Variants in SHC3 observed in about 807,000 individuals in gnomAD.
The protein encoded by SHC3 is SHC adaptor protein 3, also known as SHC-transforming protein 3.
In SHC3, 15 loss-of-function variants were observed where a neutral mutation model predicts 60.4. The observed-to-expected ratio is 0.25, with a 90% CI of 0.17 to 0.38. The LOEUF is 0.38. Among genes scored for constraint, SHC3 ranks in the 10% least tolerant of loss-of-function variants. SHC3 has a pLI of 1.00. For synonymous variants in SHC3, 294 were observed against 325.9 expected (o/e 0.90, Z 1.05); for missense variants, 677 against 786.1 (o/e 0.86, Z 1.66).
At chr9:89,032,197 A>T (rs140444863) in intron 11 of SHC3, among the ~76,000 whole-genome samples, 1 of 152,340 alleles carries the variant, frequency 6.6e-6, no homozygotes, top group African/African-American at 2.4e-5. Context: ...ACTGGCTGGT[A>T]CAAAGGGAAT....
At chr9:89,095,516 T>C (rs1825689218) in intron 2 of SHC3, among the ~76,000 whole-genome samples, 1 of 152,092 alleles carries the variant, frequency 6.6e-6, no homozygotes, top group African/African-American at 2.4e-5. Context: ...AAATGAAAAG[T>C]TCTGGAGATG....
intron 11 of SHC3, among the ~76,000 whole-genome samples, chr9:89,014,670 T>A (rs1379294246): frequency 1.3e-5 from 2 of 152,162 alleles, no homozygotes; most frequent in Non-Finnish European, 2.9e-5. Flanking sequence ...TTCATTCTCC[T>A]GTTTTCCCCA....
At chr9:89,015,059 T>TG (rs1826072194) in intron 11 of SHC3, among the ~76,000 whole-genome samples, 1 of 152,228 alleles carries the variant, frequency 6.6e-6, no homozygotes, top group African/African-American at 2.4e-5. Flanking sequence ...TGTAACCTGT[T>TG]GGGCAAGTTC....
At chr9:89,138,298 T>C (rs1420732317) in intron 1 of SHC3, among the ~76,000 whole-genome samples, 1 of 152,246 alleles carries the variant, frequency 6.6e-6, no homozygotes, top group East Asian at 1.9e-4. Context: ...GGCTACTCCA[T>C]AGGCAGACCA....
At chr9:89,057,950 G>T (rs1466845066) in intron 6 of SHC3, among the ~76,000 whole-genome samples, 1 of 152,170 alleles carries the variant, frequency 6.6e-6, no homozygotes, top group Non-Finnish European at 1.5e-5. Flanking sequence ...GAGAAGAGGG[G>T]CCCAAACATA....
At chr9:89,137,814 A>T (rs544890366) in intron 1 of SHC3, among the ~76,000 whole-genome samples, 1 of 152,312 alleles carries the variant, frequency 6.6e-6, no homozygotes, top group South Asian at 2.1e-4. Flanking sequence ...AGACCCCAAA[A>T]GCAAACTCAA....
chr9:89,123,162 G>A (rs941110709), intron 1 of SHC3, among the ~76,000 whole-genome samples: 1 of 152,146 alleles, frequency 6.6e-6, no homozygotes, highest in Non-Finnish European at 1.5e-5. Context: ...CTTAAGCAAT[G>A]GTTAATCAGC....
chr9:89,178,263 G>A lies in SHC3; in HGVS notation c.198C>T (p.His66=), dbSNP rs1190746796. The A allele has an allele frequency of 1.3e-6, 2 of 1,537,528 alleles. No homozygotes were observed. The highest frequency in any genetic ancestry group is 2.0e-5 in the Admixed American group (1 of 49,876). ...APDDGPGSLG[H]LLHKVSHLKL... ...TCAGGTGGGACACCTTGTGGAGCAG[G>A]TGGCCCAGGCTGCCGGGCCCATCGT... Residue 66 remains histidine (H), a synonymous_variant, in exon 1 of 12, where the codon CAC becomes CAT. Transcript: ENST00000375835. The surrounding 1 kb of genome is among the most constrained non-coding windows in gnomAD (Gnocchi z 6.9).
In SHC3 at chr9:89,067,797, C is replaced by T. The variant is rs531582581; in HGVS notation, c.784-2217G>A. Reference sequence around the variant, plus strand: ...AGCAAAGTAATATTACATTGAATGTCATTGGCCTTACAATGTTTACTTGTA... The same window carrying T: ...AGCAAAGTAATATTACATTGAATGTTATTGGCCTTACAATGTTTACTTGTA... On this transcript the variant is annotated intron_variant, in intron 5 of 11. Coordinates refer to ENST00000375835, the MANE Select transcript of SHC3 (RefSeq NM_016848.6). Among the ~76,000 whole-genome samples, 205 of 152,322 alleles carry T rather than the reference C, an allele frequency of 1.3e-3. 1 individual carries two copies. Among genetic ancestry groups the T allele is most frequent in the African/African-American group, 4.6e-3 (192 of 41,570 alleles).
At chr9:89,101,808 C>T (rs1825786563) in intron 2 of SHC3, among the ~76,000 whole-genome samples, 1 of 151,730 alleles carries the variant, frequency 6.6e-6, no homozygotes, top group South Asian at 2.1e-4. Context: ...CTTGTAATGC[C>T]TTTGTCTGGT....
intron 1 of SHC3, among the ~76,000 whole-genome samples, chr9:89,157,771 C>G (rs1257696938): frequency 2.0e-5 from 3 of 152,056 alleles, no homozygotes; most frequent in Non-Finnish European, 2.9e-5. Flanking sequence ...ATCCTGCCAC[C>G]ACGCCAGGCT....
chr9:89,059,963 A>C (rs1408575686), intron 6 of SHC3, among the ~76,000 whole-genome samples: 1 of 141,806 alleles, frequency 7.1e-6, no homozygotes, highest in Non-Finnish European at 1.5e-5. Context: ...GACGCAGTGG[A>C]GGACGATGGT....
intron 11 of SHC3, among the ~76,000 whole-genome samples, chr9:89,017,746 C>T (rs1451485850): frequency 6.6e-6 from 1 of 152,088 alleles, no homozygotes; most frequent in African/African-American, 2.4e-5. Context: ...GCAATCTACC[C>T]ATCTGACAAA....
At position 89,161,023 on chromosome 9, in the gene SHC3, C is replaced by G. The variant is rs141334781; in HGVS notation, c.474+16964G>C. 6.1e-3 allele frequency among the ~76,000 whole-genome samples: 927 copies of G among 152,306 alleles called. 9 individuals are homozygous for G. The highest frequency in any genetic ancestry group is 0.021 in the African/African-American group (868 of 41,552). On this transcript the variant is annotated intron_variant, in intron 1 of 11. Coordinates refer to ENST00000375835, the MANE Select transcript of SHC3 (RefSeq NM_016848.6). Reference sequence around the variant, plus strand: ...CATCCCCCAGTGCCCTGCAGCTGCTCCCATTCCTCTGTCGTCTGTCGCATA... The same window carrying G: ...CATCCCCCAGTGCCCTGCAGCTGCTGCCATTCCTCTGTCGTCTGTCGCATA...
intron 11 of SHC3, among the ~76,000 whole-genome samples, chr9:89,022,894 A>G (rs1826229716): frequency 6.6e-6 from 1 of 152,136 alleles, no homozygotes; most frequent in Non-Finnish European, 1.5e-5. Flanking sequence ...AACTTTCAAA[A>G]TATTCTTTCT....
intron 1 of SHC3, among the ~76,000 whole-genome samples, chr9:89,157,794 AT>A (rs887831605): frequency 6.6e-6 from 1 of 151,634 alleles, no homozygotes; most frequent in African/African-American, 2.4e-5. Context: ...TTTAAAAAAA[AT>A]TTTTTTTGCA....
At position 89,147,714 on chromosome 9, in the gene SHC3, G is replaced by A. The variant is rs187810853; in HGVS notation, c.474+30273C>T. Among the ~76,000 whole-genome samples the A allele has an allele frequency of 1.3e-4, 20 of 152,130 alleles. 1 individual carries two copies. Among genetic ancestry groups the A allele is most frequent in the Middle Eastern group, 6.8e-3 (2 of 294 alleles). ...TTATTACACCAAAAAGGTAGGCACC[G>A]AGAATATAAGGAAATCATGCTGCTG... On this transcript the variant is annotated intron_variant, in intron 1 of 11. Coordinates refer to ENST00000375835, the MANE Select transcript of SHC3 (RefSeq NM_016848.6).
At chr9:89,149,218 C>T (rs1412803957) in intron 1 of SHC3, among the ~76,000 whole-genome samples, 1 of 152,148 alleles carries the variant, frequency 6.6e-6, no homozygotes, top group Non-Finnish European at 1.5e-5. Flanking sequence ...AAAATTTGCA[C>T]CAATTTACAC....
chr9:89,038,193 G>A lies in SHC3; in HGVS notation c.1456C>T (p.Pro486Ser). ...AGTTCCTCCAGCATCTTGGCATCTG[G>A]GGCTCTAGGTGACACAGGGCTGATG... ...ECISPVSPRA[P>S]DAKMLEELQA... is the part of the protein sequence containing the mutation. Residue 486 changes from proline (P) to serine (S), a missense_variant, in exon 11 of 12, where the codon CCA becomes TCA. Pro to Ser is a moderately conservative substitution (Grantham distance 74, BLOSUM62 -1). Transcript: ENST00000375835. The A allele has an allele frequency of 6.2e-7, 1 of 1,614,006 alleles. No homozygotes were observed. The highest frequency in any genetic ancestry group is 8.5e-7 in the Non-Finnish European group (1 of 1,180,018).
Sources: allele counts gnomAD v4.1 joint callset (sites outside exome capture counted in the v4.1 genomes callset), GRCh38; gene constraint gnomAD v4.1.1; non-coding constraint Gnocchi (gnomAD v3.1); transcripts MANE v1.5; gene names NCBI Gene and HGNC (gene_info 2026-07-23, HGNC 2026-07-21).